VWA8: variants seen among roughly 807,000 people sequenced by gnomAD.
The protein encoded by VWA8 is von Willebrand factor A domain containing 8.
Under a neutral mutation model 241.5 loss-of-function variants are expected in VWA8, and 221 were observed. The observed-to-expected ratio is 0.91, with a 90% confidence interval of 0.82 to 1.02. The LOEUF (loss-of-function observed/expected upper bound fraction) is 1.02, where lower values mean the gene tolerates loss of function less well. VWA8 is among the 50% of genes least tolerant of loss of function. VWA8 has a pLI of 0.00. For missense variants in VWA8, 2,322 were observed against 2,328.7 expected, an observed-to-expected ratio of 1.00 and a Z score of 0.06; for synonymous variants, 852 against 827.1, an observed-to-expected ratio of 1.03 and a Z score of -0.52.
chr13:41,728,314 G>C (rs1276084365), intron 23 of VWA8, among the ~76,000 whole-genome samples: 1 of 151,774 alleles, frequency 6.6e-6, no homozygotes, highest in East Asian at 1.9e-4. Context: ...AAACAAAAAT[G>C]ACAATAAAAA....
chr13:41,818,345 G>T (rs1405546188), intron 15 of VWA8, among the ~76,000 whole-genome samples: 1 of 144,768 alleles, frequency 6.9e-6, no homozygotes, highest in African/African-American at 2.5e-5. Context: ...CCAAGGGGGG[G>T]TGGATCAATT....
At chr13:41,682,614 G>A (rs2045108816) in intron 35 of VWA8, among the ~76,000 whole-genome samples, 2 of 152,112 alleles carry the variant, frequency 1.3e-5, no homozygotes, top group Admixed American at 1.3e-4. Flanking sequence ...CAGATGTGGT[G>A]GCATGTGCCT....
At chr13:41,871,477 C>G (rs971703523) in intron 9 of VWA8, among the ~76,000 whole-genome samples, 14 of 152,208 alleles carry the variant, frequency 9.2e-5, no homozygotes, top group Admixed American at 9.2e-4. Flanking sequence ...CACAACAGTC[C>G]CCAGAGTGTG....
chr13:41,572,117 G>A (rs1327018543), intron 43 of VWA8, among the ~76,000 whole-genome samples: 1 of 149,850 alleles, frequency 6.7e-6, no homozygotes, highest in Non-Finnish European at 1.5e-5. Context: ...CCCGGCAGCT[G>A]CCCGTCTGCG....
intron 26 of VWA8, among the ~76,000 whole-genome samples, chr13:41,717,814 A>G (rs2137844382): frequency 1.3e-5 from 2 of 152,226 alleles, no homozygotes; most frequent in Middle Eastern, 3.4e-3. Context: ...CTCTTCCTTC[A>G]CATCTGCTTA....
At chr13:41,693,477 AATAGAT>A (rs2045193306) in intron 29 of VWA8, among the ~76,000 whole-genome samples, 1 of 152,050 alleles carries the variant, frequency 6.6e-6, no homozygotes, top group Non-Finnish European at 1.5e-5. Context: ...ATAGGTATAA[AATAGAT>A]ATAAAGAGGA....
In VWA8 at chr13:41,830,526, T is replaced by C; in HGVS notation, c.1700+3A>G. 6.2e-7 allele frequency: 1 copy of C among 1,611,728 alleles called. No individual in the cohort carries two copies. Among genetic ancestry groups the C allele is most frequent in the Non-Finnish European group, 8.5e-7 (1 of 1,178,516 alleles). The stretch of plus-strand genomic sequence containing the variant: ...GCAATGGGAGTAATGGACCCCAAAT[T>C]ACCTCTTCTGTAGCTGTTCATCAGA... On this transcript the variant is annotated splice_donor_region_variant and intron_variant, in intron 14 of 44. Coordinates refer to ENST00000379310, the MANE Select transcript of VWA8 (RefSeq NM_015058.2).
chr13:41,737,386 G>A (rs1412563259), intron 21 of VWA8, among the ~76,000 whole-genome samples: 2 of 152,214 alleles, frequency 1.3e-5, no homozygotes, highest in Non-Finnish European at 2.9e-5. Context: ...AAAAGGTGAT[G>A]TAAACAAGTT....
intron 7 of VWA8, 41 bp from the exon 8 acceptor site, chr13:41,886,069 A>T: frequency 1.5e-6 from 2 of 1,313,332 alleles, no homozygotes; most frequent in Non-Finnish European, 2.1e-6. Context: ...GTTTTAAAAT[A>T]TAAAATGTGT....
At position 41,573,487 on chromosome 13, in the gene VWA8, AT is replaced by A. The variant is rs201286672; in HGVS notation, c.5370+2252del. ...GTGGCTATAGTTTAAAAAAAAAAAA[AT>A]ATATATATATATATATATACCTCTC... is the stretch of plus-strand genomic sequence containing the variant. On this transcript the variant is annotated intron_variant, in intron 43 of 44. Coordinates refer to ENST00000379310, the MANE Select transcript of VWA8 (RefSeq NM_015058.2). 9.9e-3 allele frequency among the ~76,000 whole-genome samples: 920 copies of A among 92,692 alleles called. 19 individuals carry two copies. The highest frequency in any genetic ancestry group is 0.028 in the African/African-American group (637 of 22,390). 60.8% of individuals were successfully genotyped at this position (92,692 alleles called of 152,430 possible).
chr13:41,762,010 A>T (rs1644147990), intron 20 of VWA8, among the ~76,000 whole-genome samples: 2 of 152,178 alleles, frequency 1.3e-5, no homozygotes, highest in Admixed American at 1.3e-4. Context: ...ACTCTTACTG[A>T]TTCTTATATG....
At chr13:41,597,402 C>T (rs1369634033) in intron 40 of VWA8, among the ~76,000 whole-genome samples, 1 of 152,024 alleles carries the variant, frequency 6.6e-6, no homozygotes, top group Non-Finnish European at 1.5e-5. Flanking sequence ...AAATATTTTA[C>T]TAAATATCTG....
intron 9 of VWA8, among the ~76,000 whole-genome samples, chr13:41,876,484 C>G (rs1352280050): frequency 4.6e-5 from 7 of 152,112 alleles, no homozygotes; most frequent in Admixed American, 4.6e-4. Context: ...GTCTGAAATA[C>G]TTTCTACCCA....
At chr13:41,956,401 C>G (rs1264470910) in intron 1 of VWA8, among the ~76,000 whole-genome samples, 1 of 152,322 alleles carries the variant, frequency 6.6e-6, no homozygotes, top group East Asian at 1.9e-4. Context: ...CCACACTAGT[C>G]TATGTGCCCC....
chr13:41,653,088 A>G (rs970806233), intron 37 of VWA8, among the ~76,000 whole-genome samples: 1 of 152,250 alleles, frequency 6.6e-6, no homozygotes, highest in Non-Finnish European at 1.5e-5. Context: ...CACTATAATT[A>G]CATTATTTTA....
intron 21 of VWA8, among the ~76,000 whole-genome samples, chr13:41,760,726 C>T (rs913583651): frequency 6.6e-6 from 1 of 151,874 alleles, no homozygotes; most frequent in Admixed American, 6.6e-5. Context: ...ATGCTTCTAC[C>T]AGATTTCTGG....
intron 2 of VWA8, among the ~76,000 whole-genome samples, chr13:41,948,362 G>GA (rs1877960946): frequency 6.6e-6 from 1 of 152,160 alleles, no homozygotes; most frequent in Admixed American, 6.5e-5. Context: ...GGTGGTGGGG[G>GA]AGAGAGAAGA....
intron 37 of VWA8, among the ~76,000 whole-genome samples, chr13:41,640,207 T>C (rs1433379535): frequency 6.6e-6 from 1 of 152,222 alleles, no homozygotes; most frequent in Admixed American, 6.5e-5. Context: ...TGACAGTCTA[T>C]TCACGTCAGT....
At chr13:41,928,507 CAAG>C (rs1876952165) in intron 2 of VWA8, among the ~76,000 whole-genome samples, 1 of 151,842 alleles carries the variant, frequency 6.6e-6, no homozygotes, top group African/African-American at 2.4e-5. Context: ...ACCAGTGGGC[CAAG>C]AAGAAACCAA....
Sources: gnomAD v4.1 joint callset for allele counts (sites outside exome capture counted in the v4.1 genomes callset) on GRCh38, gnomAD v4.1.1 for gene constraint, MANE v1.5 for transcripts, NCBI Gene and HGNC (gene_info 2026-07-23, HGNC 2026-07-21) for gene names.